Variants in RAB38 observed in about 807,000 individuals in gnomAD.
RAB38 encodes RAB38, member RAS oncogene family.
Under a neutral mutation model 18.4 loss-of-function variants are expected in RAB38, and 15 were observed. The observed-to-expected ratio is 0.82, with a 90% CI of 0.55 to 1.26. RAB38 has a LOEUF of 1.26. Among genes scored for constraint, RAB38 ranks in the 50% most tolerant of loss-of-function variants. The pLI is 0.00. For synonymous variants in RAB38, 101 were observed against 104.4 expected (o/e 0.97, Z 0.20); for missense variants, 294 against 267.4 (o/e 1.10, Z -0.69).
the RAB38 span, among the ~76,000 whole-genome samples, chr11:87,819,716 ACG>A: frequency 0.032 from 89 of 2,778 alleles, 1 homozygote; most frequent in African/African-American, 0.056. Context: ...ATATATATAT[ACG>A]TGTATGTATA....
chr11:88,022,264 C>A, the RAB38 span, among the ~76,000 whole-genome samples: 1 of 74,170 alleles, frequency 1.3e-5, no homozygotes, highest in African/African-American at 5.7e-5. Context: ...TCAACTGATG[C>A]TGAAAAAGCA....
intron 2 of RAB38, among the ~76,000 whole-genome samples, chr11:88,133,210 A>G (rs1245025388): frequency 1.3e-5 from 2 of 152,200 alleles, no homozygotes; most frequent in African/African-American, 4.8e-5. Context: ...TCACTTGAAC[A>G]ACAGCAGGAG....
the RAB38 span, among the ~76,000 whole-genome samples, chr11:87,831,117 T>C: frequency 1.3e-5 from 2 of 152,068 alleles, no homozygotes; most frequent in African/African-American, 2.4e-5. Context: ...GGAAATTACG[T>C]TTTAGAGAAA....
At chr11:87,855,040 G>A in the RAB38 span, among the ~76,000 whole-genome samples, 1 of 151,928 alleles carries the variant, frequency 6.6e-6, no homozygotes, top group African/African-American at 2.4e-5. Flanking sequence ...CGTGATCCAC[G>A]TGCCTCGGCC....
chr11:87,804,514 G>T, the RAB38 span, among the ~76,000 whole-genome samples: 1 of 151,950 alleles, frequency 6.6e-6, no homozygotes, highest in Non-Finnish European at 1.5e-5. Context: ...ATACAACCCT[G>T]TGAGGACTTA....
the RAB38 span, among the ~76,000 whole-genome samples, chr11:87,834,389 G>A: frequency 1.9e-4 from 29 of 152,242 alleles, no homozygotes; most frequent in African/African-American, 6.3e-4. Flanking sequence ...TGTTGTATCC[G>A]GACTTCTGAC....
the RAB38 span, among the ~76,000 whole-genome samples, chr11:87,967,234 TATTAA>T: frequency 9.9e-5 from 15 of 152,202 alleles, no homozygotes; most frequent in African/African-American, 1.4e-4. Context: ...GGCATTTTAT[TATTAA>T]ATTATTGTAA....
the RAB38 span, among the ~76,000 whole-genome samples, chr11:87,927,082 C>G: frequency 6.6e-6 from 1 of 152,114 alleles, no homozygotes; most frequent in Non-Finnish European, 1.5e-5. Context: ...TCGCAGGAGG[C>G]TTATAAAGAA....
the RAB38 span, among the ~76,000 whole-genome samples, chr11:87,936,989 G>A: frequency 1.3e-5 from 2 of 151,566 alleles, no homozygotes; most frequent in Non-Finnish European, 1.5e-5. Context: ...CTACAATGGC[G>A]AGAACTTTTA....
chr11:87,804,208 C>T, the RAB38 span, among the ~76,000 whole-genome samples: 4 of 152,122 alleles, frequency 2.6e-5, no homozygotes, highest in Admixed American at 6.5e-5. Flanking sequence ...TGAGGGGTTT[C>T]CCCTTTGTTT....
At chr11:88,004,390 A>G in the RAB38 span, among the ~76,000 whole-genome samples, 2 of 151,230 alleles carry the variant, frequency 1.3e-5, no homozygotes, top group Non-Finnish European at 3.0e-5. Context: ...CAACAGGATC[A>G]CCACACACAA....
chr11:87,854,421 A>C, the RAB38 span, among the ~76,000 whole-genome samples: 1 of 152,178 alleles, frequency 6.6e-6, no homozygotes, highest in Non-Finnish European at 1.5e-5. Flanking sequence ...GTTCTCTTAC[A>C]TTCTCTTTTC....
chr11:88,102,396 T>C, the RAB38 span, among the ~76,000 whole-genome samples: 1 of 152,076 alleles, frequency 6.6e-6, no homozygotes. Flanking sequence ...ATGACTGCTC[T>C]AGCTCTCAGC....
the RAB38 span, among the ~76,000 whole-genome samples, chr11:88,063,491 C>A: frequency 5.5e-3 from 830 of 152,152 alleles, 4 homozygotes; most frequent in African/African-American, 0.019. Flanking sequence ...GAATAGTGGG[C>A]AAAGGAGCAA....
the RAB38 span, among the ~76,000 whole-genome samples, chr11:87,887,485 TG>T: frequency 6.6e-6 from 1 of 151,986 alleles, no homozygotes; most frequent in African/African-American, 2.4e-5. Context: ...CACACCAAGA[TG>T]GTAAAGTCTG....
At chr11:88,026,121 C>A in the RAB38 span, among the ~76,000 whole-genome samples, 2 of 151,832 alleles carry the variant, frequency 1.3e-5, no homozygotes, top group Non-Finnish European at 2.9e-5. Flanking sequence ...CGCACCACCA[C>A]GTCTGGCTAA....
At chr11:87,904,584 T>G in the RAB38 span, among the ~76,000 whole-genome samples, 4 of 151,722 alleles carry the variant, frequency 2.6e-5, no homozygotes, top group African/African-American at 9.7e-5. Context: ...GTAAAATGAT[T>G]TTTTTTAATA....
chr11:87,930,416 GT>G, the RAB38 span, among the ~76,000 whole-genome samples: 8,357 of 152,128 alleles, frequency 0.055, 324 homozygotes, highest in Non-Finnish European at 0.085. Context: ...GGGGTTGTTT[GT>G]TTTTTTCTTG....
the RAB38 span, among the ~76,000 whole-genome samples, chr11:88,020,649 C>T: frequency 1.2e-4 from 18 of 152,302 alleles, no homozygotes; most frequent in Admixed American, 2.6e-4. Context: ...GCAGAACACA[C>T]ATTTTTCTCC....
Sources: allele counts gnomAD v4.1 joint callset (sites outside exome capture counted in the v4.1 genomes callset), GRCh38; gene constraint gnomAD v4.1.1; transcripts MANE v1.5; gene names NCBI Gene and HGNC (gene_info 2026-07-23, HGNC 2026-07-21).